The following NR5A2 variants were observed in gnomAD, a reference collection of about 807,000 sequenced individuals.
NR5A2 encodes the protein nuclear receptor subfamily 5 group A member 2.
A neutral mutation model predicts 62.7 loss-of-function variants in NR5A2; 26 were observed. That is an observed-to-expected ratio of 0.41 (90% confidence interval 0.30 to 0.58). The LOEUF (loss-of-function observed/expected upper bound fraction) is 0.58. Among genes scored for constraint, NR5A2 ranks in the 20% least tolerant of loss-of-function variants. The probability of loss-of-function intolerance (pLI) is 0.22; values close to 1 mark genes in which losing one functional copy is unlikely to be tolerated. For synonymous variants in NR5A2, 246 were observed against 241.7 expected, an observed-to-expected ratio of 1.02 and a Z score of -0.16; for missense variants, 541 against 669.1, an observed-to-expected ratio of 0.81 and a Z score of 2.11.
intron 7 of NR5A2, among the ~76,000 whole-genome samples, chr1:200,133,537 A>C (rs1346905633): frequency 0.062 from 3,424 of 55,094 alleles, 164 homozygotes; most frequent in African/African-American, 0.16. Context: ...ACACACACAT[A>C]TATATATATA....
intron 1 of NR5A2, among the ~76,000 whole-genome samples, chr1:200,032,973 TG>T (rs1376284667): frequency 6.6e-6 from 1 of 152,242 alleles, no homozygotes; most frequent in African/African-American, 2.4e-5. Flanking sequence ...TATTTGTAAG[TG>T]GCTTTTTAAT....
chr1:200,153,232 G>GA (rs1653218346), intron 7 of NR5A2, among the ~76,000 whole-genome samples: 1 of 152,190 alleles, frequency 6.6e-6, no homozygotes, highest in South Asian at 2.1e-4. Flanking sequence ...GATGATTACA[G>GA]ATTCTCTGTG....
intron 7 of NR5A2, among the ~76,000 whole-genome samples, chr1:200,152,683 A>AT (rs911838938): frequency 4.6e-5 from 7 of 152,042 alleles, no homozygotes; most frequent in Non-Finnish European, 8.8e-5. Context: ...CAAATATCCC[A>AT]TTTTTTTCAT....
intron 5 of NR5A2, among the ~76,000 whole-genome samples, chr1:200,075,897 T>TTTTC (rs1167541598): frequency 6.8e-6 from 1 of 146,568 alleles, no homozygotes; most frequent in African/African-American, 2.6e-5. Flanking sequence ...TTTTCTTTTC[T>TTTTC]TTTTTTTTTG....
chr1:200,037,456 C>T (rs185668269), intron 1 of NR5A2, among the ~76,000 whole-genome samples: 4 of 152,144 alleles, frequency 2.6e-5, no homozygotes, highest in Non-Finnish European at 5.9e-5. Context: ...ATAAATTCTT[C>T]GCATTGCTGT....
At chr1:200,074,814 C>A in intron 5 of NR5A2, among the ~76,000 whole-genome samples, 2 of 132,146 alleles carry the variant, frequency 1.5e-5, no homozygotes, top group African/African-American at 2.9e-5. Context: ...TCACTATGGA[C>A]TGGAATTAAA....
chr1:200,152,138 G>A (rs951401237), intron 7 of NR5A2, among the ~76,000 whole-genome samples: 1 of 152,164 alleles, frequency 6.6e-6, no homozygotes, highest in East Asian at 1.9e-4. Context: ...TGATAGTCTG[G>A]GTGGGGGACT....
At position 200,115,169 on chromosome 1, in the gene NR5A2, ATTATT is replaced by A. The variant is rs1309809657; in HGVS notation, c.1230+3852_1230+3856del. ...TGTGATTGTTGCTTAGTGTTATGAAATTATTTTAATATTAAGAAAAAACTAAAACT... is the reference window on the plus strand; with the variant it reads ...TGTGATTGTTGCTTAGTGTTATGAAATTAATATTAAGAAAAAACTAAAACT... On this transcript the variant is annotated intron_variant, in intron 6 of 7. Transcript: ENST00000367362. Among the ~76,000 whole-genome samples the A allele has an allele frequency of 2.6e-5, 4 of 152,350 alleles. No homozygotes were observed. In the East Asian group the frequency reaches 7.7e-4, roughly 29 times the overall value.
chr1:200,036,610 A>C (rs1390188114), intron 1 of NR5A2, among the ~76,000 whole-genome samples: 3 of 152,160 alleles, frequency 2.0e-5, no homozygotes, highest in Non-Finnish European at 4.4e-5. Flanking sequence ...CTCTGGCAAG[A>C]ATCAATTCCA....
intron 5 of NR5A2, among the ~76,000 whole-genome samples, chr1:200,071,788 A>C (rs1408536161): frequency 6.6e-6 from 1 of 152,224 alleles, no homozygotes; most frequent in Non-Finnish European, 1.5e-5. Flanking sequence ...CCACAGGATC[A>C]AGCACTGCCT....
chr1:200,114,720 A>G (rs534154832), intron 6 of NR5A2, among the ~76,000 whole-genome samples: 32 of 152,332 alleles, frequency 2.1e-4, no homozygotes, highest in Admixed American at 1.2e-3. Flanking sequence ...CAACAACCCC[A>G]CGAAGAAAGG....
intron 1 of NR5A2, among the ~76,000 whole-genome samples, chr1:200,038,215 G>T (rs1402079726): frequency 6.6e-6 from 1 of 152,234 alleles, no homozygotes; most frequent in Non-Finnish European, 1.5e-5. Context: ...TCGGCCTCAA[G>T]TGGATGGTCC....
intron 6 of NR5A2, among the ~76,000 whole-genome samples, chr1:200,114,251 C>T (rs1412853802): frequency 6.6e-6 from 1 of 151,572 alleles, no homozygotes; most frequent in African/African-American, 2.4e-5. Flanking sequence ...CACACATACA[C>T]ACAAATATAT....
At chr1:200,112,308 G>A (rs998889923) in intron 6 of NR5A2, among the ~76,000 whole-genome samples, 2 of 152,204 alleles carry the variant, frequency 1.3e-5, no homozygotes, top group Admixed American at 6.5e-5. Flanking sequence ...ATTTAGGCAA[G>A]TCTCTCCAGT....
rs781121043 is a variant in NR5A2, at chr1:200,039,783, G to C, written c.190G>C (p.Glu64Gln). The change falls in exon 2 of 8, where the codon GAA becomes CAA. Residue 64 changes from glutamate to glutamine, a missense_variant. Physicochemically the swap from Glu to Gln is conservative, Grantham distance 29 (BLOSUM62 2). Coordinates refer to ENST00000367362, the MANE Select transcript of NR5A2 (RefSeq NM_205860.3). The surrounding 1 kb of genome is among the most constrained non-coding windows in gnomAD (Gnocchi z 5.1). ...GCATGGGGAACAGGGCCAGATGCCG[G>C]AAAACATGCAAGGTAAGGAGGCGCC... ...RSHGEQGQMP[E>Q]NMQVSQFKMV... 16 of 1,601,080 alleles carry C rather than the reference G, an allele frequency of 1.0e-5. No individual in the cohort carries two copies. The African/African-American group carries it at 1.6e-4, about 16-fold the overall frequency.
chr1:200,174,180 C>A lies in NR5A2; in HGVS notation c.1596C>A (p.Leu532=). 6.2e-7 allele frequency: 1 copy of A among 1,605,788 alleles called. No homozygotes were observed. Residue 532 remains leucine, a synonymous_variant, in exon 8 of 8, where the codon CTC becomes CTA. Coordinates refer to ENST00000367362, the MANE Select transcript of NR5A2 (RefSeq NM_205860.3). ...LNGDVPYNNL[L]IEMLHAKRA ...GGGATGTGCCCTATAATAACCTTCT[C>A]ATTGAAATGTTGCATGCCAAAAGAG...
intron 7 of NR5A2, among the ~76,000 whole-genome samples, chr1:200,149,390 C>T (rs1352026560): frequency 4.6e-5 from 7 of 152,174 alleles, no homozygotes; most frequent in African/African-American, 7.2e-5. Context: ...CACTGGCTAC[C>T]GTGTAGTTAT....
intron 6 of NR5A2, among the ~76,000 whole-genome samples, chr1:200,118,000 C>T (rs953173989): frequency 1.4e-4 from 20 of 146,978 alleles, no homozygotes; most frequent in Admixed American, 4.2e-4. Flanking sequence ...AGGCATGAGC[C>T]GCCGCACCTC....
chr1:200,107,360 C>T (rs545335808), intron 5 of NR5A2, among the ~76,000 whole-genome samples: 2 of 150,158 alleles, frequency 1.3e-5, no homozygotes, highest in South Asian at 4.2e-4. Flanking sequence ...GCTTCAGAAT[C>T]CGTCCCTGCC....
Sources: allele counts gnomAD v4.1 joint callset (sites outside exome capture counted in the v4.1 genomes callset), GRCh38; gene constraint gnomAD v4.1.1; non-coding constraint Gnocchi (gnomAD v3.1); transcripts MANE v1.5; gene names NCBI Gene and HGNC (gene_info 2026-07-23, HGNC 2026-07-21).